The following CHEK1 variants were observed in gnomAD, a reference collection of about 807,000 sequenced individuals.
CHEK1 encodes serine/threonine-protein kinase Chk1.
Under a neutral mutation model 60.2 loss-of-function variants are expected in CHEK1, and 32 were observed. The ratio of observed to expected loss-of-function variants is 0.53; its 90% CI spans 0.40 to 0.71. The LOEUF (loss-of-function observed/expected upper bound fraction) is 0.71, where lower values mean the gene tolerates loss of function less well. Ranked by LOEUF, CHEK1 falls within the 30% of genes least tolerant of loss-of-function variation. The probability of loss-of-function intolerance (pLI) is 0.00; values close to 1 mark genes in which losing one functional copy is unlikely to be tolerated. For synonymous variants in CHEK1, 179 were observed against 187.2 expected, an observed-to-expected ratio of 0.96 and a Z score of 0.36; for missense variants, 399 against 564.6, an observed-to-expected ratio of 0.71 and a Z score of 2.97.
At chr11:125,678,104 C>T, downstream of CHEK1, 1 of 1,614,226 alleles carries the variant, frequency 6.2e-7, no homozygotes, top group African/African-American at 1.3e-5. Flanking sequence ...CAGAAGTGTG[C>T]TCGGCCACAG....
At chr11:125,626,345 T>C (rs959073862) in intron 1 of CHEK1, 2 of 436,076 alleles carry the variant, frequency 4.6e-6, no homozygotes, top group African/African-American at 1.9e-5. Context: ...AATTGAGCAA[T>C]TGGGAGGAGG....
chr11:125,629,073 T>A (rs1940751306), intron 3 of CHEK1, among the ~76,000 whole-genome samples, 159 bp from the exon 4 acceptor site: 1 of 152,232 alleles, frequency 6.6e-6, no homozygotes, highest in South Asian at 2.1e-4. Context: ...TAAATGTGAG[T>A]TAAGCCCCAT....
At chr11:125,666,605 A>G (rs886674014) in intron 13 of CHEK1, among the ~76,000 whole-genome samples, 2 of 152,168 alleles carry the variant, frequency 1.3e-5, no homozygotes, top group African/African-American at 4.8e-5. Flanking sequence ...AAGACCCCTA[A>G]TATTACTGTA....
chr11:125,637,640 A>G, intron 8 of CHEK1, 96 bp downstream of exon 8: 1 of 709,296 alleles, frequency 1.4e-6, no homozygotes, highest in South Asian at 2.1e-5. Flanking sequence ...GATAGCTATG[A>G]TCTCTGTCCT....
intron 11 of CHEK1, among the ~76,000 whole-genome samples, chr11:125,650,871 T>C (rs946365333): frequency 1.3e-5 from 2 of 152,224 alleles, no homozygotes; most frequent in Non-Finnish European, 2.9e-5. Flanking sequence ...ACAAAAAATC[T>C]GCAGAGTGTT....
chr11:125,651,237 T>C (rs1941715018), intron 11 of CHEK1, among the ~76,000 whole-genome samples: 1 of 151,972 alleles, frequency 6.6e-6, no homozygotes. Flanking sequence ...CAGGAGTAGC[T>C]TTAGCACAAG....
chr11:125,648,134 G>T (rs1477772751), intron 11 of CHEK1, among the ~76,000 whole-genome samples: 4 of 147,812 alleles, frequency 2.7e-5, no homozygotes, highest in Admixed American at 6.8e-5. Flanking sequence ...TCCTGATGCT[G>T]ATGTAAATGG....
intron 6 of CHEK1, 148 bp downstream of exon 6, chr11:125,633,499 A>T: frequency 1.6e-6 from 1 of 611,846 alleles, no homozygotes; most frequent in Non-Finnish European, 2.5e-6. Context: ...GCCAGACTGG[A>T]GTACAGTGAG....
chr11:125,632,355 T>G (rs1208988578), intron 5 of CHEK1, among the ~76,000 whole-genome samples: 1 of 152,232 alleles, frequency 6.6e-6, no homozygotes, highest in Non-Finnish European at 1.5e-5. Context: ...TAGTATGTTT[T>G]GCCAAATTGC....
intron 2 of CHEK1, 93 bp downstream of exon 2, chr11:125,626,926 A>T: frequency 7.2e-7 from 1 of 1,388,974 alleles, no homozygotes; most frequent in South Asian, 1.2e-5. Flanking sequence ...GATGTTTGAG[A>T]TCCAAGGGTT....
At chr11:125,628,571 C>G (rs1940721776) in intron 3 of CHEK1, among the ~76,000 whole-genome samples, 2 of 152,110 alleles carry the variant, frequency 1.3e-5, no homozygotes. Context: ...CATAATAAAA[C>G]TGTTTCACGA....
chr11:125,625,718 C>A lies in CHEK1; in HGVS notation c.-315C>A. 1 of 652,838 alleles carries A rather than the reference C, an allele frequency of 1.5e-6. No individual in the cohort carries two copies. The highest frequency in any genetic ancestry group is 2.8e-6 in the Non-Finnish European group (1 of 354,542). The allele number at this position is 652,838 out of a possible 1,614,324, so 40.4% of individuals were successfully genotyped here. ...AGCACCGCCCAGTCGAGCCTCACAC[C>A]GGATGCCACTTCATATTTGGGCCCA... On this transcript the variant is annotated 5_prime_UTR_variant, in exon 1 of 13. Transcript: ENST00000438015.
chr11:125,626,590 A>G, intron 1 of CHEK1, 159 bp from the exon 2 acceptor site: 1 of 645,466 alleles, frequency 1.5e-6, no homozygotes, highest in Non-Finnish European at 2.8e-6. Flanking sequence ...GGTTTAGAAT[A>G]GTTGTTCGTG....
chr11:125,677,796 C>T (rs373276142), downstream of CHEK1: 6 of 1,614,002 alleles, frequency 3.7e-6, no homozygotes, highest in African/African-American at 1.3e-5. Flanking sequence ...ACATGGCTCA[C>T]CTGTAGATGT....
downstream of CHEK1, among the ~76,000 whole-genome samples, chr11:125,660,192 G>A (rs1396359861): frequency 1.3e-5 from 2 of 152,098 alleles, no homozygotes; most frequent in Non-Finnish European, 1.5e-5. Flanking sequence ...GTTTTCTTGG[G>A]TATGTACCTA....
At chr11:125,652,443 A>G (rs562283745) in intron 11 of CHEK1, among the ~76,000 whole-genome samples, 1 of 152,228 alleles carries the variant, frequency 6.6e-6, no homozygotes, top group African/African-American at 2.4e-5. Flanking sequence ...TCTTTCTCAC[A>G]TTTTAATAAT....
chr11:125,665,005 C>T (rs1444353842), intron 13 of CHEK1, among the ~76,000 whole-genome samples: 1 of 152,002 alleles, frequency 6.6e-6, no homozygotes, highest in Non-Finnish European at 1.5e-5. Flanking sequence ...CTATGGATAT[C>T]CAGTTTTTCT....
intron 13 of CHEK1, chr11:125,672,845 C>G: frequency 8.4e-7 from 1 of 1,195,712 alleles, no homozygotes; most frequent in South Asian, 1.9e-5. Context: ...CCTTCTCTTT[C>G]TCTTCTATTT....
Position 125,627,732 on chromosome 11 carries a change from A to T in CHEK1, c.191A>T (p.His64Leu). The part of the protein sequence containing the change: ...KEICINKMLN[H>L]ENVVKFYGHR... Reference sequence around the variant, plus strand: ...ATCTGTATCAATAAAATGCTAAATCATGAAAATGTAGTAAAATTCTATGGT... The same window carrying T: ...ATCTGTATCAATAAAATGCTAAATCTTGAAAATGTAGTAAAATTCTATGGT... Residue 64 changes from histidine to leucine, a missense_variant, in exon 3 of 13, where the codon CAT (histidine) becomes CTT (leucine). Coordinates refer to ENST00000438015, the MANE Select transcript of CHEK1 (RefSeq NM_001114122.3). 1 of 1,613,784 alleles carries T rather than the reference A, an allele frequency of 6.2e-7. No individual in the cohort carries two copies. Among genetic ancestry groups the T allele is most frequent in the Admixed American group, 1.7e-5 (1 of 60,026 alleles).
Sources: allele counts gnomAD v4.1 joint callset (sites outside exome capture counted in the v4.1 genomes callset), GRCh38; gene constraint gnomAD v4.1.1; transcripts MANE v1.5; gene names NCBI Gene and HGNC (gene_info 2026-07-23, HGNC 2026-07-21).